WIZ: variants seen among roughly 807,000 people sequenced by gnomAD.
The protein encoded by WIZ is protein Wiz.
WIZ carries 25 observed loss-of-function variants against 140.2 expected under a neutral mutation model. The observed-to-expected ratio is 0.18, with a 90% CI of 0.13 to 0.25. The LOEUF (loss-of-function observed/expected upper bound fraction) is 0.25. Ranked by LOEUF, WIZ falls within the 10% of genes least tolerant of loss-of-function variation. WIZ has a pLI of 1.00. For synonymous variants in WIZ, 1,125 were observed against 1,154.3 expected (o/e 0.97, Z 0.51); for missense variants, 2,231 against 2,632.6 (o/e 0.85, Z 3.34).
Position 15,422,834 on chromosome 19 carries a change from G to A in WIZ, c.*242C>T. 1.7e-6 allele frequency: 1 copy of A among 572,402 alleles called. No homozygotes were observed. The allele number at this position is 572,402 out of a possible 1,614,324, so 35.5% of individuals were successfully genotyped here. On this transcript the variant is annotated 3_prime_UTR_variant, in exon 13 of 13. Coordinates refer to ENST00000673675, the MANE Select transcript of WIZ (RefSeq NM_001371589.1). ...AGAGACCTGGCTGCTGCCCCTGCTG[G>A]ACCAGGTGGGCATGGGCTGAAGGAA...
At position 15,420,087 on chromosome 19, in the gene WIZ, G is replaced by A. The variant is rs966639847; in HGVS notation, c.*2989C>T. The stretch of plus-strand genomic sequence containing the variant: ...TGAGAGAAACATACTGAAATACTAA[G>A]AAGTTAACTGATCTTATGGCCAGGA... On this transcript the variant is annotated 3_prime_UTR_variant, in exon 13 of 13. Coordinates refer to ENST00000673675, the MANE Select transcript of WIZ (RefSeq NM_001371589.1). 4 of 152,322 alleles carry A rather than the reference G, an allele frequency of 2.6e-5. No homozygotes were observed. The South Asian group carries it at 8.3e-4, about 32-fold the overall frequency. 9.4% of individuals were successfully genotyped at this position (152,322 alleles called of 1,614,324 possible). A position where few individuals can be genotyped will look rare whatever the true frequency, so the allele number is the denominator to read the frequency against.
intron 7 of WIZ, among the ~76,000 whole-genome samples, chr19:15,429,049 G>A (rs536195102): frequency 1.3e-5 from 2 of 152,294 alleles, no homozygotes; most frequent in African/African-American, 4.8e-5. Context: ...GCACCTGGAG[G>A]GTTTCTTCCC....
At position 15,427,214 on chromosome 19, in the gene WIZ, C is replaced by A; in HGVS notation, c.4134G>T (p.Leu1378Phe). The change falls in exon 9 of 13, where the codon TTG becomes TTT. Residue 1378 changes from leucine (L) to phenylalanine (F), a missense_variant. Coordinates refer to ENST00000673675, the MANE Select transcript of WIZ (RefSeq NM_001371589.1). The surrounding 1 kb of genome is among the most constrained non-coding windows in gnomAD (Gnocchi z 6.4). ...CCAGGGGGCTGCCCGGTGGTGGTGG[C>A]AACTTCTTGGCCAAGGGTGAGATGT... The part of the protein sequence containing the change: ...DLHISPLAKK[L>F]PPPPGSPLGH... 1 of 1,614,072 alleles carries A rather than the reference C, an allele frequency of 6.2e-7. No individual in the cohort carries two copies. Among genetic ancestry groups the A allele is most frequent in the Non-Finnish European group, 8.5e-7 (1 of 1,180,024 alleles).
intron 9 of WIZ, among the ~76,000 whole-genome samples, chr19:15,426,565 C>A (rs1471943739): frequency 6.6e-6 from 1 of 152,220 alleles, no homozygotes; most frequent in East Asian, 1.9e-4. Flanking sequence ...TTAACTCACA[C>A]TTGACTCCCA....
chr19:15,429,460 G>A (rs959687227), intron 7 of WIZ, 126 bp downstream of exon 7: 1 of 1,101,078 alleles, frequency 9.1e-7, no homozygotes, highest in Admixed American at 3.8e-5. Context: ...GCTGGCCCAG[G>A]ACATGGGAGC....
Position 15,428,490 on chromosome 19 carries a change from C to T in WIZ, c.3434G>A (p.Gly1145Asp), listed in dbSNP as rs1159360200. ...PLNLTLDSDGGRELDCQLCGA... is the reference protein window; with the variant it reads ...PLNLTLDSDGDRELDCQLCGA... ...GCACAGCTGGCAGTCCAGCTCTCTG[C>T]CCCCGTCACTATCTAAAGCTGCGGA... The change falls in exon 8 of 13, where the codon GGC (glycine) becomes GAC (aspartate). Residue 1145 changes from glycine (G) to aspartate (D), a missense_variant. Gly to Asp is a moderately conservative substitution (Grantham distance 94). Transcript: ENST00000673675. This position sits in a 1 kb window ranked among gnomAD's most constrained non-coding sequence, Gnocchi z 6.4. 1 of 1,535,590 alleles carries T rather than the reference C, an allele frequency of 6.5e-7. No homozygotes were observed. Among genetic ancestry groups the T allele is most frequent in the Non-Finnish European group, 8.7e-7 (1 of 1,146,826 alleles).
In WIZ at chr19:15,428,582, C is replaced by A. The variant is rs1326309342; in HGVS notation, c.3416-74G>T. The A allele has an allele frequency of 1.1e-5, 17 of 1,526,670 alleles. No homozygotes were observed. In the African/African-American group the frequency reaches 1.5e-4, roughly 14 times the overall value. 94.6% of individuals were successfully genotyped at this position (1,526,670 alleles called of 1,614,324 possible). ...CCTTGGGGGCCTGAGGTAGGAGGGT[C>A]TGGTGTGATTTTTGGCTGCTCAGGC... On this transcript the variant is annotated intron_variant, in intron 7 of 12. Coordinates refer to ENST00000673675, the MANE Select transcript of WIZ (RefSeq NM_001371589.1). This position sits in a 1 kb window ranked among gnomAD's most constrained non-coding sequence, Gnocchi z 6.4.
chr19:15,440,612 G>A lies in WIZ; in HGVS notation c.382C>T (p.Pro128Ser). ...TPDGRGPWEH[P>S]LVQEAGEGIL... ...CCCTCCCCAGCCTCCTGGACAAGGGGGTGCTCCCAGGGCCCCCGGCCATCA... is the reference window on the plus strand; with the variant it reads ...CCCTCCCCAGCCTCCTGGACAAGGGAGTGCTCCCAGGGCCCCCGGCCATCA... Residue 128 changes from proline (P) to serine (S), a missense_variant, in exon 4 of 13, where the codon CCC becomes TCC. Around this residue, in one of 15 missense-constraint regions of WIZ, gnomAD observed 307 missense variants for 294.1 expected, o/e 1.04. Transcript: ENST00000673675. The surrounding 1 kb of genome is among the most constrained non-coding windows in gnomAD (Gnocchi z 6.2). The A allele has an allele frequency of 6.5e-7, 1 of 1,535,062 alleles. No homozygotes were observed.
rs1968994685 is a variant in WIZ at position 15,428,368 on chromosome 19, T to C, written c.3556A>G (p.Ile1186Val). 1 of 1,535,214 alleles carries C rather than the reference T, an allele frequency of 6.5e-7. No homozygotes were observed. Among genetic ancestry groups the C allele is most frequent in the African/African-American group, 1.4e-5 (1 of 72,976 alleles). ...CTGATGAGCCCGTGGAGCACGTCTATGGGGGATCCCTTGGCGTCCGGATCG... is the reference window on the plus strand; with the variant it reads ...CTGATGAGCCCGTGGAGCACGTCTACGGGGGATCCCTTGGCGTCCGGATCG... ...VSDPDAKGSPIDVLHGLIRRD... is the reference protein window; with the variant it reads ...VSDPDAKGSPVDVLHGLIRRD... The change falls in exon 8 of 13, where the codon ATA becomes GTA. Residue 1186 changes from isoleucine to valine, a missense_variant. Coordinates refer to ENST00000673675, the MANE Select transcript of WIZ (RefSeq NM_001371589.1). This position sits in a 1 kb window ranked among gnomAD's most constrained non-coding sequence, Gnocchi z 6.4.
rs1427657964 is a variant in WIZ, at chr19:15,423,009, C to T, written c.*67G>A. ...AAACGGAAAGAAAGAGGAAGAGGGA[C>T]AAGGACACAGAGGAGGAAGAAGAGG... On this transcript the variant is annotated 3_prime_UTR_variant, in exon 13 of 13. Transcript: ENST00000673675. 12 of 1,564,728 alleles carry T rather than the reference C, an allele frequency of 7.7e-6. No homozygotes were observed. The highest frequency in any genetic ancestry group is 5.5e-5 in the African/African-American group (4 of 73,334).
chr19:15,448,390 G>T (rs1328335229), intron 1 of WIZ, 23 bp from the exon 2 acceptor site: 2 of 1,524,062 alleles, frequency 1.3e-6, no homozygotes, highest in Admixed American at 3.9e-5. Flanking sequence ...AGAAGGAAGT[G>T]CTTAGGGGAT....
At chr19:15,430,202 C>T (rs1385946805) in intron 6 of WIZ, 113 bp from the exon 7 acceptor site, 22 of 1,393,544 alleles carry the variant, frequency 1.6e-5, no homozygotes, top group Non-Finnish European at 2.1e-5. Flanking sequence ...AGTGTTTTGC[C>T]TCCGTCAGGC....
intron 2 of WIZ, among the ~76,000 whole-genome samples, chr19:15,445,248 A>G (rs1333027809): frequency 6.6e-5 from 10 of 152,228 alleles, no homozygotes; most frequent in Non-Finnish European, 5.9e-5. Context: ...CTGGGGTTCA[A>G]CTTGGTAGAG....
At chr19:15,429,280 AG>A (rs1969065027) in intron 7 of WIZ, among the ~76,000 whole-genome samples, 1 of 152,032 alleles carries the variant, frequency 6.6e-6, no homozygotes, top group Non-Finnish European at 1.5e-5. Context: ...CCCTACCCAC[AG>A]GCCCAGAGAA....
chr19:15,425,433 C>T lies in WIZ; in HGVS notation c.4702G>A (p.Val1568Ile), dbSNP rs142326508. The change falls in exon 10 of 13, where the codon GTT (valine) becomes ATT (isoleucine). Residue 1568 changes from valine to isoleucine, a missense_variant. Physicochemically the swap from Val to Ile is conservative, Grantham distance 29. Transcript: ENST00000673675. ...PGKPGAGPAQVPRELSLTPIT... is the reference protein window; with the variant it reads ...PGKPGAGPAQIPRELSLTPIT... ...GGCGTCAGGCTGAGCTCACGAGGAA[C>T]CTGGGCCGGCCCTGCACCTGGTTTG... The T allele has an allele frequency of 2.1e-5, 33 of 1,566,814 alleles. No homozygotes were observed. The Middle Eastern group carries it at 1.5e-3, about 71-fold the overall frequency.
rs991112205 is a variant in WIZ at position 15,422,746 on chromosome 19, C to T, written c.*330G>A. 6.3e-5 allele frequency: 24 copies of T among 378,980 alleles called. No homozygotes were observed. Among genetic ancestry groups the T allele is most frequent in the African/African-American group, 1.8e-4 (9 of 48,704 alleles). 23.5% of individuals were successfully genotyped at this position (378,980 alleles called of 1,614,324 possible). On this transcript the variant is annotated 3_prime_UTR_variant, in exon 13 of 13. Transcript: ENST00000673675. Reference sequence around the variant, plus strand: ...GCAAATGGCCACGGATGGCAGACATCGCCCTGCCTGGCTGCTAGACGGGGG... The same window carrying T: ...GCAAATGGCCACGGATGGCAGACATTGCCCTGCCTGGCTGCTAGACGGGGG...
Position 15,440,598 on chromosome 19 carries a change from C to T in WIZ, c.396G>A (p.Glu132=). ...RGPWEHPLVQ[E]AGEGILSERR... Reference sequence around the variant, plus strand: ...GCTCAGATAGGATGCCCTCCCCAGCCTCCTGGACAAGGGGGTGCTCCCAGG... The same window carrying T: ...GCTCAGATAGGATGCCCTCCCCAGCTTCCTGGACAAGGGGGTGCTCCCAGG... The change falls in exon 4 of 13, where the codon GAG becomes GAA. Residue 132 remains glutamate, a synonymous_variant. Transcript: ENST00000673675. This position sits in a 1 kb window ranked among gnomAD's most constrained non-coding sequence, Gnocchi z 6.2. 2 of 1,536,084 alleles carry T rather than the reference C, an allele frequency of 1.3e-6. No individual in the cohort carries two copies. Among genetic ancestry groups the T allele is most frequent in the Non-Finnish European group, 8.7e-7 (1 of 1,146,814 alleles).
Position 15,439,992 on chromosome 19 carries a change from C to T in WIZ, c.1002G>A (p.Met334Ile). 2.0e-6 allele frequency: 3 copies of T among 1,535,836 alleles called. No individual in the cohort carries two copies. Among genetic ancestry groups the T allele is most frequent in the African/African-American group, 1.4e-5 (1 of 73,134 alleles). ...FKQKEHLLEH[M>I]SQHRRAPGQE... ...GGCCCGGGGCTCGGCGGTGCTGGCTCATGTGCTCCAGGAGGTGCTCCTTCT... is the reference window on the plus strand; with the variant it reads ...GGCCCGGGGCTCGGCGGTGCTGGCTTATGTGCTCCAGGAGGTGCTCCTTCT... The change falls in exon 4 of 13, where the codon ATG (methionine) becomes ATA (isoleucine). Residue 334 changes from methionine (M) to isoleucine (I), a missense_variant. Around this residue, in one of 15 missense-constraint regions of WIZ, gnomAD observed 475 missense variants for 520.2 expected, o/e 0.91. Transcript: ENST00000673675. This position sits in a 1 kb window ranked among gnomAD's most constrained non-coding sequence, Gnocchi z 7.0.
rs1485805930 is a variant in WIZ at position 15,428,029 on chromosome 19, C to T, written c.3814+81G>A. ...GGCCCCTGTCTACTCCCTGCCCCAG[C>T]AGGGAGGGGGCTGTGACCCCCCCCC... On this transcript the variant is annotated intron_variant, in intron 8 of 12. Transcript: ENST00000673675. This position sits in a 1 kb window ranked among gnomAD's most constrained non-coding sequence, Gnocchi z 6.4. The T allele has an allele frequency of 1.3e-6, 2 of 1,500,608 alleles. No homozygotes were observed. Among genetic ancestry groups the T allele is most frequent in the Non-Finnish European group, 1.8e-6 (2 of 1,132,318 alleles). The allele number at this position is 1,500,608 out of a possible 1,614,324, so 93.0% of individuals were successfully genotyped here. A position where few individuals can be genotyped will look rare whatever the true frequency, so the allele number is the denominator to read the frequency against.
Sources: allele counts gnomAD v4.1 joint callset (sites outside exome capture counted in the v4.1 genomes callset), GRCh38; gene constraint gnomAD v4.1.1; regional missense constraint gnomAD v4.1.1; non-coding constraint Gnocchi (gnomAD v3.1); transcripts MANE v1.5; gene names NCBI Gene and HGNC (gene_info 2026-07-23, HGNC 2026-07-21).